The following NEK5 variants were observed in gnomAD, a reference collection of about 807,000 sequenced individuals.
The protein encoded by NEK5 is NIMA related kinase 5.
Under a neutral mutation model 109.2 loss-of-function variants are expected in NEK5, and 88 were observed. That is an observed-to-expected ratio of 0.81 (90% confidence interval 0.68 to 0.96). NEK5 has a LOEUF of 0.96. Ranked by LOEUF, NEK5 falls within the 40% of genes least tolerant of loss-of-function variation. The pLI is 0.00. For missense variants in NEK5, 834 were observed against 920.7 expected, an observed-to-expected ratio of 0.91 and a Z score of 1.22; for synonymous variants, 283 against 299.9, an observed-to-expected ratio of 0.94 and a Z score of 0.58.
chr13:52,065,150 C>A (rs1262580237), intron 21 of NEK5: 2 of 390,750 alleles, frequency 5.1e-6, no homozygotes, highest in Non-Finnish European at 9.2e-6. Flanking sequence ...AAAAAATGAC[C>A]CTATGAAATC....
At chr13:52,103,223 G>A (rs965437417) in intron 9 of NEK5, among the ~76,000 whole-genome samples, 10 of 152,238 alleles carry the variant, frequency 6.6e-5, no homozygotes, top group Admixed American at 1.3e-4. Context: ...AAGGTCAGGA[G>A]TTCAAGACCA....
chr13:52,087,441 G>T lies in NEK5; in HGVS notation c.1289C>A (p.Ser430Tyr). The change falls in exon 15 of 24, where the codon TCT becomes TAT. Residue 430 changes from serine to tyrosine, a missense_variant. Coordinates refer to ENST00000684899, the MANE Select transcript of NEK5 (RefSeq NM_001365552.1). ...KVEKQLGLRP[S>Y]SAEPNYNQRQ... ...CTGGTTGTAATTTGGCTCGGCAGAA[G>T]ATGGACGAAGACCCTATTTATTGAA... The T allele has an allele frequency of 6.4e-7, 1 of 1,573,196 alleles. No homozygotes were observed. The highest frequency in any genetic ancestry group is 8.7e-7 in the Non-Finnish European group (1 of 1,144,330).
rs377539630 is a variant in NEK5 at position 52,086,282 on chromosome 13, G to A, written c.1474C>T (p.Pro492Ser). ...KEIRKKMGRE[P>S]EENSKISHKT... ...CCCTAGAAGAATGAATTTACCTCTGGTTCTCTCCCCATCTTCTTTCTAATT... is the reference window on the plus strand; with the variant it reads ...CCCTAGAAGAATGAATTTACCTCTGATTCTCTCCCCATCTTCTTTCTAATT... The change falls in exon 16 of 24, where the codon CCA becomes TCA. Residue 492 changes from proline to serine, a missense_variant. Coordinates refer to ENST00000684899, the MANE Select transcript of NEK5 (RefSeq NM_001365552.1). 1 of 1,591,540 alleles carries A rather than the reference G, an allele frequency of 6.3e-7. No individual in the cohort carries two copies. The highest frequency in any genetic ancestry group is 1.1e-5 in the South Asian group (1 of 90,650).
intron 20 of NEK5, among the ~76,000 whole-genome samples, chr13:52,070,428 G>A (rs1954765057): frequency 6.6e-6 from 1 of 152,226 alleles, no homozygotes; most frequent in Non-Finnish European, 1.5e-5. Context: ...ATTCCTGTGT[G>A]TTGTGGGGTG....
chr13:52,091,264 TA>T (rs1016172839), intron 13 of NEK5, among the ~76,000 whole-genome samples: 3 of 152,206 alleles, frequency 2.0e-5, no homozygotes, highest in African/African-American at 7.2e-5. Context: ...GAGTGGAAGA[TA>T]TATTTTCCCA....
At chr13:52,094,954 G>A (rs1159451710) in intron 12 of NEK5, among the ~76,000 whole-genome samples, 1 of 152,006 alleles carries the variant, frequency 6.6e-6, no homozygotes, top group Non-Finnish European at 1.5e-5. Flanking sequence ...ATCTCACTCT[G>A]TCACCCAGCC....
chr13:52,100,084 T>A (rs888445895), intron 11 of NEK5, among the ~76,000 whole-genome samples: 1 of 152,190 alleles, frequency 6.6e-6, no homozygotes, highest in African/African-American at 2.4e-5. Context: ...CAGAGTCCCT[T>A]TGCATATTTC....
chr13:52,054,630 G>A (rs979559941), intron 22 of NEK5, among the ~76,000 whole-genome samples: 3 of 152,212 alleles, frequency 2.0e-5, no homozygotes, highest in African/African-American at 7.2e-5. Flanking sequence ...TCCTCAAGTG[G>A]GTCCCTGACC....
At chr13:52,071,759 G>A (rs999002667) in intron 20 of NEK5, among the ~76,000 whole-genome samples, 185 bp downstream of exon 20, 3 of 152,198 alleles carry the variant, frequency 2.0e-5, no homozygotes, top group Non-Finnish European at 2.9e-5. Flanking sequence ...AGGAGGGCTG[G>A]ATCTCAGGGA....
intron 23 of NEK5, among the ~76,000 whole-genome samples, chr13:52,041,415 A>G (rs2140884184): frequency 6.6e-6 from 1 of 152,260 alleles, no homozygotes; most frequent in Admixed American, 6.5e-5. Context: ...TAAAAACTCA[A>G]TAGATGGTAC....
At chr13:52,045,738 C>A (rs1954452933) in intron 23 of NEK5, among the ~76,000 whole-genome samples, 2 of 130,736 alleles carry the variant, frequency 1.5e-5, no homozygotes, top group South Asian at 2.4e-4. Context: ...GCACTCCAGC[C>A]TGGGCGACAG....
chr13:52,065,563 C>T lies in NEK5; in HGVS notation c.1896G>A (p.Trp632Ter). The T allele has an allele frequency of 6.2e-7, 1 of 1,614,052 alleles. No individual in the cohort carries two copies. The highest frequency in any genetic ancestry group is 8.5e-7 in the Non-Finnish European group (1 of 1,179,884). ...GCAGAGTCTGAGGCGCTCCTCCATC[C>T]CACTGCCTCCTGTTTCCCACAGCAG... ...TVAAVGNRRQWDGGAPQTLLQ... is the reference protein window; with the variant it reads ...TVAAVGNRRQ Residue 632 changes from tryptophan (W) to a stop codon, truncating the protein, a stop_gained, in exon 21 of 24, where the codon TGG becomes TGA. Transcript: ENST00000684899. LOFTEE classifies it high-confidence loss of function.
intron 1 of NEK5, among the ~76,000 whole-genome samples, chr13:52,128,692 G>A (rs9535876): frequency 6.6e-6 from 1 of 152,056 alleles, no homozygotes; most frequent in African/African-American, 2.4e-5. Flanking sequence ...GGGGTGACTC[G>A]CCGGGAACTG....
intron 23 of NEK5, among the ~76,000 whole-genome samples, chr13:52,043,547 A>G (rs1954431855): frequency 6.8e-6 from 1 of 146,846 alleles, no homozygotes; most frequent in African/African-American, 2.4e-5. Flanking sequence ...AAAAAAAAAA[A>G]AAAAGAAAGA....
At chr13:52,110,290 A>C in intron 7 of NEK5, 50 bp downstream of exon 7, 1 of 1,153,574 alleles carries the variant, frequency 8.7e-7, no homozygotes. Context: ...CTAAAAATAC[A>C]TATTTGGGCT....
Position 52,037,050 on chromosome 13 carries a change from TA to T in NEK5, c.2396del (p.Leu799Ter). ...TAGAAATATTCTCCAAGCCCTCCCT[TA>T]ATTCTTCAGATTTCTGCATACTTAT... ...EGISMQKSEE[L>X]REGLENISTT... On this transcript the variant is annotated frameshift_variant, in exon 24 of 24. Transcript: ENST00000684899. LOFTEE classifies it high-confidence loss of function. 1 of 985,396 alleles carries T rather than the reference TA, an allele frequency of 1.0e-6. No individual in the cohort carries two copies. Among genetic ancestry groups the T allele is most frequent in the Non-Finnish European group, 1.2e-6 (1 of 829,882 alleles). 61.0% of individuals were successfully genotyped at this position (985,396 alleles called of 1,614,324 possible).
At chr13:52,126,127 T>G (rs1031777809) in intron 3 of NEK5, among the ~76,000 whole-genome samples, 2 of 152,194 alleles carry the variant, frequency 1.3e-5, no homozygotes, top group African/African-American at 4.8e-5. Flanking sequence ...CTACTCTCAT[T>G]TATAAATCCT....
chr13:52,088,059 C>G (rs1018172389), intron 14 of NEK5, among the ~76,000 whole-genome samples: 2 of 151,954 alleles, frequency 1.3e-5, no homozygotes, highest in African/African-American at 2.4e-5. Context: ...CCCTCAGTAG[C>G]TGGGACTACA....
At chr13:52,127,972 C>T (rs1956101216) in intron 1 of NEK5, among the ~76,000 whole-genome samples, 1 of 151,968 alleles carries the variant, frequency 6.6e-6, no homozygotes, top group Non-Finnish European at 1.5e-5. Flanking sequence ...AAGCTGTTTC[C>T]CCAAGATTCA....
Sources: gnomAD v4.1 joint callset for allele counts (sites outside exome capture counted in the v4.1 genomes callset) on GRCh38, gnomAD v4.1.1 for gene constraint, MANE v1.5 for transcripts, NCBI Gene and HGNC (gene_info 2026-07-23, HGNC 2026-07-21) for gene names.